The following LUZP2 variants were observed in gnomAD, a reference collection of about 807,000 sequenced individuals.
LUZP2 encodes leucine zipper protein 2.
In LUZP2, 52 loss-of-function variants were observed where a neutral mutation model predicts 51.6. The observed-to-expected ratio is 1.01, with a 90% CI of 0.81 to 1.27. The LOEUF is 1.27. Ranked by LOEUF, LUZP2 falls within the 50% of genes most tolerant of loss-of-function variation. The probability of loss-of-function intolerance (pLI) is 0.00; values close to 1 mark genes in which losing one functional copy is unlikely to be tolerated. For synonymous variants in LUZP2, 154 were observed against 137.3 expected (o/e 1.12, Z -0.85); for missense variants, 436 against 395.4 (o/e 1.10, Z -0.87).
chr11:24,567,654 G>A (rs1852288422), intron 1 of LUZP2, among the ~76,000 whole-genome samples: 1 of 151,920 alleles, frequency 6.6e-6, no homozygotes, highest in African/African-American at 2.4e-5. Flanking sequence ...AAGCAATGGT[G>A]GCCAGGAAGC....
At chr11:24,897,526 G>C (rs1216119503) in intron 5 of LUZP2, among the ~76,000 whole-genome samples, 1 of 152,052 alleles carries the variant, frequency 6.6e-6, no homozygotes, top group African/African-American at 2.4e-5. Context: ...GCTGCATTAA[G>C]AGCTGTAACA....
chr11:24,704,956 C>T (rs1256608468), intron 1 of LUZP2, among the ~76,000 whole-genome samples: 1 of 152,172 alleles, frequency 6.6e-6, no homozygotes, highest in African/African-American at 2.4e-5. Context: ...GCTCATACAT[C>T]TTTAGAATGA....
chr11:25,063,194 T>C (rs1321464077), intron 10 of LUZP2, among the ~76,000 whole-genome samples: 1 of 151,662 alleles, frequency 6.6e-6, no homozygotes, highest in Non-Finnish European at 1.5e-5. Flanking sequence ...TCCTATTATA[T>C]TAGGTGCCAT....
chr11:24,772,639 A>C (rs192727730), intron 5 of LUZP2, among the ~76,000 whole-genome samples: 35 of 152,280 alleles, frequency 2.3e-4, no homozygotes, highest in Admixed American at 2.0e-3. Context: ...TTCTAAGGCT[A>C]CTGTTAAAAA....
At chr11:24,522,753 T>C (rs1024153837) in intron 1 of LUZP2, among the ~76,000 whole-genome samples, 1 of 152,114 alleles carries the variant, frequency 6.6e-6, no homozygotes, top group African/African-American at 2.4e-5. Flanking sequence ...AACTTGTTAT[T>C]TTAAATCCGA....
rs186658494 is a variant in LUZP2 at position 24,900,777 on chromosome 11, T to G, written c.397-5214T>G. Among the ~76,000 whole-genome samples, 5 of 152,294 alleles carry G rather than the reference T, an allele frequency of 3.3e-5. No homozygotes were observed. The East Asian group carries it at 9.6e-4, about 29-fold the overall frequency. On this transcript the variant is annotated intron_variant, in intron 5 of 11. Transcript: ENST00000336930. ...TCATTTTCTGTATGTCATTTTGCTT[T>G]TTCTGTCCATAAATCTTTGATCGCA...
chr11:24,640,556 CA>C (rs1357388318), intron 1 of LUZP2, among the ~76,000 whole-genome samples: 1 of 151,758 alleles, frequency 6.6e-6, no homozygotes, highest in Non-Finnish European at 1.5e-5. Context: ...GGCATGTATA[CA>C]AAAGATAAAA....
At chr11:24,533,485 C>A (rs1851076914) in intron 1 of LUZP2, among the ~76,000 whole-genome samples, 1 of 151,328 alleles carries the variant, frequency 6.6e-6, no homozygotes, top group South Asian at 2.1e-4. Context: ...CTCCAACGAC[C>A]TAAATCATTT....
chr11:24,974,247 G>A (rs1397545421), intron 7 of LUZP2, among the ~76,000 whole-genome samples: 2 of 151,910 alleles, frequency 1.3e-5, no homozygotes, highest in Non-Finnish European at 2.9e-5. Context: ...CAGAAATTAG[G>A]ATTGCAACCT....
At chr11:24,829,193 A>C (rs900460219) in intron 5 of LUZP2, among the ~76,000 whole-genome samples, 2 of 152,174 alleles carry the variant, frequency 1.3e-5, no homozygotes, top group African/African-American at 4.8e-5. Flanking sequence ...AGAATGACAA[A>C]GGAGAGAGGG....
chr11:24,602,397 C>G (rs1024342953), intron 1 of LUZP2, among the ~76,000 whole-genome samples: 2 of 123,902 alleles, frequency 1.6e-5, no homozygotes, highest in African/African-American at 6.2e-5. Flanking sequence ...TACACACACA[C>G]ACACACACAC....
intron 7 of LUZP2, among the ~76,000 whole-genome samples, chr11:24,934,674 A>G (rs965049313): frequency 2.0e-5 from 3 of 152,202 alleles, no homozygotes; most frequent in Non-Finnish European, 4.4e-5. Context: ...CAGGACTTGT[A>G]AATACATTTA....
In LUZP2 at chr11:24,697,519, A is replaced by T. The variant is rs186755531; in HGVS notation, c.63-31650A>T. On this transcript the variant is annotated intron_variant, in intron 1 of 11. Transcript: ENST00000336930. ...CCTCACAAGCTAACTACCTTTGCCC[A>T]TTTTTAGGCCTAGGCCAAGATAACC... is the stretch of plus-strand genomic sequence containing the variant. Among the ~76,000 whole-genome samples the T allele has an allele frequency of 6.2e-3, 946 of 152,296 alleles. 6 individuals are homozygous for T. The highest frequency in any genetic ancestry group is 0.013 in the South Asian group (61 of 4,824).
At chr11:25,013,754 C>CT (rs898594430) in intron 9 of LUZP2, among the ~76,000 whole-genome samples, 3 of 143,124 alleles carry the variant, frequency 2.1e-5, no homozygotes, top group South Asian at 2.1e-4. Flanking sequence ...ATTTATTATT[C>CT]TTTTTTTATT....
chr11:24,935,636 T>C (rs1164442392), intron 7 of LUZP2, among the ~76,000 whole-genome samples: 1 of 152,162 alleles, frequency 6.6e-6, no homozygotes, highest in African/African-American at 2.4e-5. Context: ...TATGGTAGTA[T>C]TGTTCTTCTA....
At chr11:24,586,479 C>G (rs945132343) in intron 1 of LUZP2, among the ~76,000 whole-genome samples, 3 of 151,092 alleles carry the variant, frequency 2.0e-5, no homozygotes, top group Non-Finnish European at 4.4e-5. Context: ...AACAAAGACT[C>G]TTTTTCAGAT....
intron 9 of LUZP2, among the ~76,000 whole-genome samples, chr11:24,997,628 A>C (rs934188008): frequency 4.6e-5 from 7 of 151,836 alleles, no homozygotes; most frequent in Non-Finnish European, 1.0e-4. Flanking sequence ...GTTTAATTAG[A>C]TCCCATTTGT....
chr11:24,805,740 C>G (rs1849837077), intron 5 of LUZP2, among the ~76,000 whole-genome samples: 1 of 151,972 alleles, frequency 6.6e-6, no homozygotes, highest in Non-Finnish European at 1.5e-5. Context: ...TTGGATTTCC[C>G]CTGAGACAAA....
intron 5 of LUZP2, among the ~76,000 whole-genome samples, chr11:24,841,284 G>T (rs1426872797): frequency 6.6e-6 from 1 of 152,044 alleles, no homozygotes; most frequent in African/African-American, 2.4e-5. Context: ...GCTAGAAGGT[G>T]GCTGCCTACA....
Sources: allele counts gnomAD v4.1 joint callset (sites outside exome capture counted in the v4.1 genomes callset), GRCh38; gene constraint gnomAD v4.1.1; transcripts MANE v1.5; gene names NCBI Gene and HGNC (gene_info 2026-07-23, HGNC 2026-07-21).